The following CDH13 variants were observed in gnomAD, a reference collection of about 807,000 sequenced individuals.
CDH13 encodes cadherin-13.
CDH13 carries 24 observed loss-of-function variants against 63.8 expected under a neutral mutation model. The observed-to-expected ratio is 0.38, with a 90% confidence interval of 0.27 to 0.53. The LOEUF (loss-of-function observed/expected upper bound fraction) is 0.53, where lower values mean the gene tolerates loss of function less well. CDH13 is among the 20% of genes least tolerant of loss of function. The pLI is 0.85. For missense variants in CDH13, 1,049 were observed against 903.1 expected (o/e 1.16, Z -2.07); for synonymous variants, 503 against 355.3 (o/e 1.42, Z -4.67).
intron 1 of CDH13, among the ~76,000 whole-genome samples, chr16:82,734,287 C>T (rs1001837978): frequency 5.9e-5 from 9 of 152,020 alleles, no homozygotes; most frequent in African/African-American, 2.2e-4. Context: ...ATCCTGTGGC[C>T]CAGAAAAACT....
intron 1 of CDH13, among the ~76,000 whole-genome samples, chr16:82,770,769 G>A (rs779167234): frequency 8.5e-5 from 13 of 152,094 alleles, no homozygotes; most frequent in Admixed American, 2.0e-4. Flanking sequence ...GTGCAGTGGC[G>A]TGATCTCGGC....
chr16:83,644,057 C>T (rs1382990009), intron 8 of CDH13, among the ~76,000 whole-genome samples: 2 of 152,210 alleles, frequency 1.3e-5, no homozygotes, highest in Non-Finnish European at 1.5e-5. Flanking sequence ...TCAGCCCCCG[C>T]CAGCTCCAAC....
chr16:83,152,151 A>G (rs535035574), intron 4 of CDH13, among the ~76,000 whole-genome samples: 1 of 152,330 alleles, frequency 6.6e-6, no homozygotes, highest in East Asian at 1.9e-4. Flanking sequence ...AACTGCTGTG[A>G]AATACATACT....
rs1172037019 is a variant in CDH13 at position 83,252,580 on chromosome 16, A to C, written c.636+35083A>C. Among the ~76,000 whole-genome samples the C allele has an allele frequency of 3.3e-5, 5 of 152,096 alleles. No homozygotes were observed. In the East Asian group the frequency reaches 9.6e-4, roughly 29 times the overall value. ...CTGAGCCAAGTGACATGTTGCAAGCAGTTGTATGATGTCACCAAGTGCTGG... is the reference window on the plus strand; with the variant it reads ...CTGAGCCAAGTGACATGTTGCAAGCCGTTGTATGATGTCACCAAGTGCTGG... On this transcript the variant is annotated intron_variant, in intron 5 of 13. Coordinates refer to ENST00000567109, the MANE Select transcript of CDH13 (RefSeq NM_001257.5).
At chr16:82,755,074 A>G (rs1046032707) in intron 1 of CDH13, among the ~76,000 whole-genome samples, 2 of 152,236 alleles carry the variant, frequency 1.3e-5, no homozygotes, top group Non-Finnish European at 2.9e-5. Context: ...ATCCCTATGC[A>G]TACACAAGCA....
At chr16:82,934,729 C>G (rs547522895) in intron 2 of CDH13, among the ~76,000 whole-genome samples, 1 of 152,270 alleles carries the variant, frequency 6.6e-6, no homozygotes, top group East Asian at 1.9e-4. Flanking sequence ...ATCTCTAGGG[C>G]AAGGGCAAGG....
At chr16:82,917,914 C>CAAA (rs34766700) in intron 2 of CDH13, among the ~76,000 whole-genome samples, 2 of 45,936 alleles carry the variant, frequency 4.4e-5, no homozygotes, top group African/African-American at 1.4e-4. Context: ...GACTCCATGT[C>CAAA]AAAAAAAAAA....
intron 1 of CDH13, among the ~76,000 whole-genome samples, chr16:82,702,165 G>A (rs549385479): frequency 6.6e-6 from 1 of 152,160 alleles, no homozygotes; most frequent in African/African-American, 2.4e-5. Flanking sequence ...TGAGATCCAT[G>A]CTTTTCCCTT....
intron 5 of CDH13, among the ~76,000 whole-genome samples, chr16:83,301,656 GT>G (rs1806417380): frequency 1.3e-5 from 2 of 152,144 alleles, no homozygotes; most frequent in Non-Finnish European, 2.9e-5. Context: ...TTTACGAAGA[GT>G]TTTTGAAATC....
At chr16:83,761,983 C>G (rs1914009570) in intron 11 of CDH13, among the ~76,000 whole-genome samples, 1 of 152,170 alleles carries the variant, frequency 6.6e-6, no homozygotes, top group African/African-American at 2.4e-5. Flanking sequence ...AGGAGAATCG[C>G]TTGACCCTGG....
intron 5 of CDH13, among the ~76,000 whole-genome samples, chr16:83,254,955 CTTTCTTT>C (rs1567542209): frequency 0.034 from 90 of 2,682 alleles, 1 homozygote; most frequent in African/African-American, 0.039. Flanking sequence ...TTTTCTCTTT[CTTTCTTT>C]CTTTCTTTCT....
intron 7 of CDH13, among the ~76,000 whole-genome samples, chr16:83,489,104 A>T (rs1157831598): frequency 6.6e-6 from 1 of 152,184 alleles, no homozygotes; most frequent in Non-Finnish European, 1.5e-5. Context: ...AAAAAGATGA[A>T]GCATGGTGAT....
chr16:82,792,715 T>A (rs1263988690), intron 1 of CDH13, among the ~76,000 whole-genome samples: 1 of 152,244 alleles, frequency 6.6e-6, no homozygotes, highest in East Asian at 1.9e-4. Context: ...TTTATTTATT[T>A]CTTGTGTTCC....
intron 11 of CDH13, among the ~76,000 whole-genome samples, chr16:83,764,825 C>T (rs1914256364): frequency 6.6e-6 from 1 of 152,202 alleles, no homozygotes; most frequent in Non-Finnish European, 1.5e-5. Flanking sequence ...GAAGCCCTCG[C>T]AATGGCCTCC....
intron 6 of CDH13, among the ~76,000 whole-genome samples, chr16:83,388,457 A>T (rs1567636752): frequency 6.6e-6 from 1 of 152,108 alleles, no homozygotes; most frequent in African/African-American, 2.4e-5. Flanking sequence ...TCTCAAAAAA[A>T]TCACATTTCT....
intron 5 of CDH13, among the ~76,000 whole-genome samples, chr16:83,222,528 G>A (rs1233191999): frequency 6.6e-6 from 1 of 152,112 alleles, no homozygotes; most frequent in Non-Finnish European, 1.5e-5. Context: ...TTATAAAAAC[G>A]TTCATGTTAT....
chr16:83,136,576 T>C (rs903252203), intron 4 of CDH13, among the ~76,000 whole-genome samples: 1 of 150,684 alleles, frequency 6.6e-6, no homozygotes, highest in Non-Finnish European at 1.5e-5. Context: ...GAAGCATAGC[T>C]CACCATCCCC....
At chr16:82,936,271 A>T (rs1199705271) in intron 2 of CDH13, among the ~76,000 whole-genome samples, 1 of 152,162 alleles carries the variant, frequency 6.6e-6, no homozygotes, top group Non-Finnish European at 1.5e-5. Context: ...GCTTTTTATT[A>T]AAAAGAAAAG....
At chr16:82,926,627 C>G (rs2042311055) in intron 2 of CDH13, among the ~76,000 whole-genome samples, 2 of 152,310 alleles carry the variant, frequency 1.3e-5, no homozygotes, top group South Asian at 4.1e-4. Flanking sequence ...AGCTCACAAG[C>G]TCTAGGTACA....
Sources: allele counts gnomAD v4.1 joint callset (sites outside exome capture counted in the v4.1 genomes callset), GRCh38; gene constraint gnomAD v4.1.1; transcripts MANE v1.5; gene names NCBI Gene and HGNC (gene_info 2026-07-23, HGNC 2026-07-21).